The following ADAMTSL2 variants were observed in gnomAD, a reference collection of about 807,000 sequenced individuals.
ADAMTSL2 encodes ADAMTS like 2, also known as ADAMTS-like protein 2.
A neutral mutation model predicts 117.0 loss-of-function variants in ADAMTSL2; 55 were observed. The ratio of observed to expected loss-of-function variants is 0.47; its 90% CI spans 0.38 to 0.59. The LOEUF is 0.59. ADAMTSL2 is among the 20% of genes least tolerant of loss of function. The pLI is 0.00. For synonymous variants in ADAMTSL2, 572 were observed against 566.4 expected (o/e 1.01, Z -0.14); for missense variants, 1,182 against 1,354.5 (o/e 0.87, Z 2.00).
rs2131083472 is a variant in ADAMTSL2 at position 133,534,849 on chromosome 9, C to G, written c.-219C>G. On this transcript the variant is annotated 5_prime_UTR_variant, in exon 1 of 19. Coordinates refer to ENST00000651351, the MANE Select transcript of ADAMTSL2 (RefSeq NM_014694.4). ...CGCCGCCCCCGCACGCACAGCGCAC[C>G]TGGCGCCGTCTGCCCTCCGCAGCGC... The G allele has an allele frequency of 2.7e-6, 4 of 1,496,292 alleles. No homozygotes were observed. The East Asian group carries it at 8.4e-5, about 31-fold the overall frequency. 92.7% of individuals were successfully genotyped at this position (1,496,292 alleles called of 1,614,324 possible).
chr9:133,536,463 C>A (rs148178122), intron 1 of ADAMTSL2, 100 bp from the exon 2 acceptor site: 14,884 of 1,456,188 alleles, frequency 0.01, 100 homozygotes, highest in Middle Eastern at 0.021. Context: ...GCACGCACAC[C>A]GCCGCTGGGT....
intron 7 of ADAMTSL2, among the ~76,000 whole-genome samples, chr9:133,542,068 C>T (rs1588281426): frequency 6.6e-6 from 1 of 152,324 alleles, no homozygotes; most frequent in Admixed American, 6.5e-5. Flanking sequence ...TGGACTAGAA[C>T]CAGGCCTGTT....
chr9:133,567,207 C>A, intron 13 of ADAMTSL2, 145 bp downstream of exon 13: 1 of 1,044,918 alleles, frequency 9.6e-7, no homozygotes, highest in Non-Finnish European at 1.4e-6. Flanking sequence ...GGCATACAGA[C>A]CTCACCCCTC....
intron 15 of ADAMTSL2, among the ~76,000 whole-genome samples, 161 bp downstream of exon 15, chr9:133,568,919 C>G (rs1831040611): frequency 6.6e-6 from 1 of 152,184 alleles, no homozygotes; most frequent in East Asian, 1.9e-4. Flanking sequence ...CAAAACTTCT[C>G]TCCAAACACG....
At chr9:133,556,042 C>T (rs1392277843) in intron 11 of ADAMTSL2, 112 bp downstream of exon 11, 14 of 1,383,440 alleles carry the variant, frequency 1.0e-5, no homozygotes, top group Non-Finnish European at 1.4e-5. Context: ...GGGCTGAGGT[C>T]CTAGAGGTAG....
At chr9:133,562,216 C>T (rs1011820207) in intron 12 of ADAMTSL2, among the ~76,000 whole-genome samples, 5 of 152,226 alleles carry the variant, frequency 3.3e-5, no homozygotes, top group Admixed American at 6.5e-5. Context: ...CCCTCTGCAG[C>T]CCTGCTGGCA....
Position 133,554,558 on chromosome 9 carries a change from C to A in ADAMTSL2, c.1141C>A (p.Leu381Met). 1 of 1,547,296 alleles carries A rather than the reference C, an allele frequency of 6.5e-7. No homozygotes were observed. The highest frequency in any genetic ancestry group is 8.7e-7 in the Non-Finnish European group (1 of 1,146,124). Residue 381 changes from leucine to methionine, a missense_variant, in exon 10 of 19, where the codon CTG (leucine) becomes ATG (methionine). Transcript: ENST00000651351. The surrounding 1 kb of genome is among the most constrained non-coding windows in gnomAD (Gnocchi z 5.2). ...YGQASSERLG[L>M]DNRLFGHPGL... The stretch of plus-strand genomic sequence containing the variant: ...CCAGGCCTCCTCAGAGCGGCTGGGC[C>A]TGGACAACCGGCTGTTCGGCCACCC...
rs368850529 is a variant in ADAMTSL2 at position 133,547,120 on chromosome 9, G to A, written c.846G>A (p.Thr282=). The A allele has an allele frequency of 9.9e-6, 16 of 1,613,746 alleles. No homozygotes were observed. The highest frequency in any genetic ancestry group is 8.0e-5 in the African/African-American group (6 of 74,942). The change falls in exon 9 of 19, where the codon ACG becomes ACA. Residue 282 remains threonine (T), a synonymous_variant. Coordinates refer to ENST00000651351, the MANE Select transcript of ADAMTSL2 (RefSeq NM_014694.4). ...CCAAGAACTTCAACATCGCAGGCACGGTGGTCAAGTACAGGCGGCCCATGG... is the reference window on the plus strand; with the variant it reads ...CCAAGAACTTCAACATCGCAGGCACAGTGGTCAAGTACAGGCGGCCCATGG... The part of the protein sequence containing the change: ...DSPKNFNIAG[T]VVKYRRPMDV...
intron 10 of ADAMTSL2, among the ~76,000 whole-genome samples, chr9:133,555,126 C>G (rs1396182985): frequency 1.3e-5 from 2 of 152,096 alleles, no homozygotes; most frequent in African/African-American, 4.8e-5. Flanking sequence ...CCGTGTCACT[C>G]CAGCCTCTGC....
chr9:133,537,462 T>G lies in ADAMTSL2; in HGVS notation c.148T>G (p.Trp50Gly). Residue 50 changes from tryptophan (W) to glycine (G), a missense_variant, in exon 3 of 19, where the codon TGG (tryptophan) becomes GGG (glycine). This residue lies in a region of ADAMTSL2 where 372 missense variants were observed against 463.4 expected (regional missense o/e 0.80). Transcript: ENST00000651351. ...EGGTDATAFWWGEWTKWTACS... is the reference protein window; with the variant it reads ...EGGTDATAFWGGEWTKWTACS... ...GGGCACCGACGCCACGGCCTTCTGGTGGGGGGAGTGGACCAAGTGGACGGC... is the reference window on the plus strand; with the variant it reads ...GGGCACCGACGCCACGGCCTTCTGGGGGGGGGAGTGGACCAAGTGGACGGC... 1 of 1,352,608 alleles carries G rather than the reference T, an allele frequency of 7.4e-7. No homozygotes were observed. The highest frequency in any genetic ancestry group is 2.3e-5 in the South Asian group (1 of 42,568). The allele number at this position is 1,352,608 out of a possible 1,614,324, so 83.8% of individuals were successfully genotyped here.
intron 8 of ADAMTSL2, among the ~76,000 whole-genome samples, chr9:133,545,307 G>A (rs1423312374): frequency 4.6e-5 from 7 of 152,170 alleles, no homozygotes; most frequent in Admixed American, 4.6e-4. Flanking sequence ...GGACACAGGT[G>A]CAGCCCCAAA....
In ADAMTSL2 at chr9:133,536,892, G is replaced by A. The variant is rs576892375; in HGVS notation, c.90+90G>A. On this transcript the variant is annotated intron_variant, in intron 2 of 18. Coordinates refer to ENST00000651351, the MANE Select transcript of ADAMTSL2 (RefSeq NM_014694.4). The stretch of plus-strand genomic sequence containing the variant: ...CAGATGGACTGGCTTGGAGGGAGCC[G>A]TGTGGGCACGTGCCCCAGGTCCCAG... 7.8e-5 allele frequency: 123 copies of A among 1,579,582 alleles called. No individual in the cohort carries two copies. In the African/African-American group the frequency reaches 1.2e-3, roughly 15 times the overall value.
At position 133,555,788 on chromosome 9, in the gene ADAMTSL2, G is replaced by C. The variant is rs369006687; in HGVS notation, c.1507G>C (p.Glu503Gln). Residue 503 changes from glutamate to glutamine, a missense_variant, in exon 11 of 19, where the codon GAG becomes CAG. Physicochemically the swap from Glu to Gln is conservative, Grantham distance 29 (BLOSUM62 2). Around this residue, in one of 3 missense-constraint regions of ADAMTSL2, gnomAD observed 345 missense variants for 325.8 expected, o/e 1.06. Coordinates refer to ENST00000651351, the MANE Select transcript of ADAMTSL2 (RefSeq NM_014694.4). ...ESFFVDYEEN[E>Q]GAGPYLLNGS... Reference sequence around the variant, plus strand: ...CTTCTTCGTGGATTATGAGGAGAACGAGGGGGCTGGCCCTTACCTGCTCAA... The same window carrying C: ...CTTCTTCGTGGATTATGAGGAGAACCAGGGGGCTGGCCCTTACCTGCTCAA... 223 of 1,613,904 alleles carry C rather than the reference G, an allele frequency of 1.4e-4. No homozygotes were observed. The highest frequency in any genetic ancestry group is 1.8e-4 in the Non-Finnish European group (212 of 1,180,058).
chr9:133,566,605 G>A (rs1193018401), intron 12 of ADAMTSL2, among the ~76,000 whole-genome samples: 2 of 152,014 alleles, frequency 1.3e-5, no homozygotes, highest in African/African-American at 2.4e-5. Context: ...GTTGCTGAAC[G>A]CCTGGCGATG....
In ADAMTSL2 at chr9:133,536,732, G is replaced by A; in HGVS notation, c.20G>A (p.Cys7Tyr). 6.2e-7 allele frequency: 1 copy of A among 1,614,250 alleles called. No homozygotes were observed. Among genetic ancestry groups the A allele is most frequent in the Admixed American group, 1.7e-5 (1 of 60,034 alleles). ...CCTAGGATGGATGGCAGATGGCAAT[G>A]TTCCTGCTGGGCCTGGTTCCTGCTG... MDGRWQ[C>Y]SCWAWFLLVL... Residue 7 changes from cysteine to tyrosine, a missense_variant, in exon 2 of 19, where the codon TGT (cysteine) becomes TAT (tyrosine). Cys to Tyr is a radical substitution (Grantham distance 194). This residue lies in a region of ADAMTSL2 where 372 missense variants were observed against 463.4 expected (regional missense o/e 0.80). Transcript: ENST00000651351.
chr9:133,539,224 C>G (rs148115523), intron 4 of ADAMTSL2, among the ~76,000 whole-genome samples: 114 of 152,288 alleles, frequency 7.5e-4, no homozygotes, highest in African/African-American at 2.6e-3. Flanking sequence ...TTTATGAGCT[C>G]CAGCATGAGA....
At chr9:133,545,190 T>C (rs1262168327) in intron 8 of ADAMTSL2, among the ~76,000 whole-genome samples, 1 of 152,078 alleles carries the variant, frequency 6.6e-6, no homozygotes, top group Admixed American at 6.6e-5. Context: ...CAGCGTGCCA[T>C]GTCTGCACCC....
chr9:133,574,692 G>A (rs975944429), intron 18 of ADAMTSL2, 54 bp from the exon 19 acceptor site: 268 of 1,526,424 alleles, frequency 1.8e-4, no homozygotes, highest in Non-Finnish European at 2.3e-4. Flanking sequence ...TGGGGTTTTC[G>A]CCCCTTGGCC....
rs529880105 is a variant in ADAMTSL2 at position 133,574,414 on chromosome 9, G to C, written c.2738-332G>C. 4.0e-4 allele frequency among the ~76,000 whole-genome samples: 61 copies of C among 152,300 alleles called. 1 individual carries two copies. The South Asian group carries it at 7.5e-3, about 19-fold the overall frequency. ...GGACAGGGTGCCAGGTGCAGGGCACGTGATGAGTTATGCTTTGGATACATT... is the reference window on the plus strand; with the variant it reads ...GGACAGGGTGCCAGGTGCAGGGCACCTGATGAGTTATGCTTTGGATACATT... On this transcript the variant is annotated intron_variant, in intron 18 of 18. Transcript: ENST00000651351.
Sources: allele counts gnomAD v4.1 joint callset (sites outside exome capture counted in the v4.1 genomes callset), GRCh38; gene constraint gnomAD v4.1.1; regional missense constraint gnomAD v4.1.1; non-coding constraint Gnocchi (gnomAD v3.1); transcripts MANE v1.5; gene names NCBI Gene and HGNC (gene_info 2026-07-23, HGNC 2026-07-21).